Variants in TSHZ1 observed in about 807,000 individuals in gnomAD.
TSHZ1 encodes the protein teashirt homolog 1.
Under a neutral mutation model 67.1 loss-of-function variants are expected in TSHZ1, and 12 were observed. The ratio of observed to expected loss-of-function variants is 0.18; its 90% CI spans 0.11 to 0.29. The LOEUF is 0.29. Among genes scored for constraint, TSHZ1 ranks in the 10% least tolerant of loss-of-function variants. The pLI is 1.00. For synonymous variants in TSHZ1, 632 were observed against 622.4 expected, an observed-to-expected ratio of 1.02 and a Z score of -0.23; for missense variants, 1,305 against 1,413.9, an observed-to-expected ratio of 0.92 and a Z score of 1.23.
At chr18:75,248,875 G>A (rs979728694) in intron 1 of TSHZ1, among the ~76,000 whole-genome samples, 3 of 152,196 alleles carry the variant, frequency 2.0e-5, no homozygotes, top group African/African-American at 4.8e-5. Flanking sequence ...AGAAATAGCC[G>A]CAGAGGCAAG....
intron 1 of TSHZ1, among the ~76,000 whole-genome samples, chr18:75,231,088 G>A (rs1169252965): frequency 6.6e-6 from 1 of 152,228 alleles, no homozygotes; most frequent in Non-Finnish European, 1.5e-5. Flanking sequence ...CATGTGAGGA[G>A]ATGCAGTTTC....
intron 1 of TSHZ1, among the ~76,000 whole-genome samples, chr18:75,256,781 G>A (rs1181645139): frequency 6.6e-6 from 1 of 152,182 alleles, no homozygotes; most frequent in Admixed American, 6.5e-5. Flanking sequence ...AATTCCTGAA[G>A]CAACATGTGT....
chr18:75,231,914 T>C (rs28373646), intron 1 of TSHZ1, among the ~76,000 whole-genome samples: 6,375 of 151,778 alleles, frequency 0.042, 448 homozygotes, highest in African/African-American at 0.14. Flanking sequence ...TGATGCCTTA[T>C]TTATTTATTT....
chr18:75,225,514 T>C (rs1193969149), intron 1 of TSHZ1, among the ~76,000 whole-genome samples: 1 of 152,174 alleles, frequency 6.6e-6, no homozygotes, highest in Non-Finnish European at 1.5e-5. Flanking sequence ...GCATGCCCTT[T>C]GGAACATCAG....
In TSHZ1 at chr18:75,243,843, A is replaced by G. The variant is rs552810189; in HGVS notation, c.40+31927A>G. On this transcript the variant is annotated intron_variant, in intron 1 of 1. Transcript: ENST00000580243. Reference sequence around the variant, plus strand: ...ACTTGGATAGTTTTGCCTTTCCTCAACATTATTAATAGGGTCTTGGTACAG... The same window carrying G: ...ACTTGGATAGTTTTGCCTTTCCTCAGCATTATTAATAGGGTCTTGGTACAG... Among the ~76,000 whole-genome samples, 49 of 152,264 alleles carry G rather than the reference A, an allele frequency of 3.2e-4. No individual in the cohort carries two copies. The South Asian group carries it at 9.8e-3, about 30-fold the overall frequency.
chr18:75,239,887 C>G (rs1020331963), intron 1 of TSHZ1, among the ~76,000 whole-genome samples: 1 of 152,152 alleles, frequency 6.6e-6, no homozygotes. Flanking sequence ...CGAGGAGGTA[C>G]GCGATGGGTG....
chr18:75,217,382 G>GTT (rs139184741), intron 1 of TSHZ1, among the ~76,000 whole-genome samples: 3,924 of 149,530 alleles, frequency 0.026, 181 homozygotes, highest in African/African-American at 0.088. Context: ...TCCTCCAAGG[G>GTT]TTTTTTTTTT....
intron 1 of TSHZ1, among the ~76,000 whole-genome samples, chr18:75,266,099 G>A (rs1436172072): frequency 2.0e-5 from 3 of 152,180 alleles, no homozygotes; most frequent in Non-Finnish European, 4.4e-5. Flanking sequence ...CCGGGTGAGT[G>A]ATCGATGCTG....
At chr18:75,269,519 C>G (rs376189792) in intron 1 of TSHZ1, among the ~76,000 whole-genome samples, 6 of 152,094 alleles carry the variant, frequency 3.9e-5, no homozygotes, top group African/African-American at 7.2e-5. Context: ...AATGCTGGAG[C>G]CTGTTTGTCG....
intron 1 of TSHZ1, among the ~76,000 whole-genome samples, chr18:75,225,732 A>C (rs1279409703): frequency 6.6e-6 from 1 of 151,876 alleles, no homozygotes; most frequent in Non-Finnish European, 1.5e-5. Context: ...TTAATGCAAG[A>C]CTATATCTCG....
rs573162542 is a variant in TSHZ1, at chr18:75,218,748, A to G, written c.40+6832A>G. ...AAAGCCTATAAAAAGTAAATGGTAAATTACTCCGGGACAAGGCTCAAGTTC... is the reference window on the plus strand; with the variant it reads ...AAAGCCTATAAAAAGTAAATGGTAAGTTACTCCGGGACAAGGCTCAAGTTC... On this transcript the variant is annotated intron_variant, in intron 1 of 1. Coordinates refer to ENST00000580243, the MANE Select transcript of TSHZ1 (RefSeq NM_001308210.2). Among the ~76,000 whole-genome samples, 49 of 152,240 alleles carry G rather than the reference A, an allele frequency of 3.2e-4. 3 individuals are homozygous for G. The South Asian group carries it at 9.7e-3, about 30-fold the overall frequency.
Position 75,286,040 on chromosome 18 carries a change from G to C in TSHZ1, c.633G>C (p.Thr211=), listed in dbSNP as rs138154252. 23 of 1,612,900 alleles carry C rather than the reference G, an allele frequency of 1.4e-5. No homozygotes were observed. The African/African-American group carries it at 1.6e-4, about 11-fold the overall frequency. ...CACTGGCCAAGACGCTGCAGCAGAC[G>C]TCCTCGTATGGGCTGCTTCCTGAGC... is the stretch of plus-strand genomic sequence containing the variant. ...QAALAKTLQQ[T]SSYGLLPEPS... Residue 211 remains threonine (T), a synonymous_variant, in exon 2 of 2, where the codon ACG becomes ACC. Coordinates refer to ENST00000580243, the MANE Select transcript of TSHZ1 (RefSeq NM_001308210.2). The surrounding 1 kb of genome is among the most constrained non-coding windows in gnomAD (Gnocchi z 5.1).
chr18:75,266,366 CAAG>C (rs913027697), intron 1 of TSHZ1, among the ~76,000 whole-genome samples: 2 of 152,130 alleles, frequency 1.3e-5, no homozygotes, highest in Non-Finnish European at 2.9e-5. Flanking sequence ...CAAGTAAAAA[CAAG>C]AATTCACAGA....
chr18:75,271,585 G>A (rs2023557695), intron 1 of TSHZ1, among the ~76,000 whole-genome samples: 1 of 152,134 alleles, frequency 6.6e-6, no homozygotes, highest in Non-Finnish European at 1.5e-5. Flanking sequence ...TAGGTGAGTT[G>A]TGCCCGTGCC....
At chr18:75,228,330 G>T (rs941913937) in intron 1 of TSHZ1, among the ~76,000 whole-genome samples, 2 of 152,208 alleles carry the variant, frequency 1.3e-5, no homozygotes, top group African/African-American at 2.4e-5. Flanking sequence ...TCTGGCCATA[G>T]ACATGTACAT....
At chr18:75,248,779 T>C (rs2023255764) in intron 1 of TSHZ1, among the ~76,000 whole-genome samples, 1 of 152,258 alleles carries the variant, frequency 6.6e-6, no homozygotes, top group African/African-American at 2.4e-5. Flanking sequence ...TGTGTTTGCC[T>C]GTGCGTCCAG....
chr18:75,263,956 T>C (rs2023460108), intron 1 of TSHZ1, among the ~76,000 whole-genome samples: 1 of 152,234 alleles, frequency 6.6e-6, no homozygotes, highest in African/African-American at 2.4e-5. Context: ...TCAAGGCTAC[T>C]GTAGTTATAC....
chr18:75,259,063 C>A (rs1268057332), intron 1 of TSHZ1, among the ~76,000 whole-genome samples: 5 of 152,216 alleles, frequency 3.3e-5, no homozygotes, highest in African/African-American at 9.6e-5. Context: ...CCGCCTGTTT[C>A]TGTTTTCCTC....
intron 1 of TSHZ1, among the ~76,000 whole-genome samples, chr18:75,270,365 G>A (rs2023542804): frequency 6.6e-6 from 1 of 152,168 alleles, no homozygotes; most frequent in African/African-American, 2.4e-5. Flanking sequence ...CCAGAGGAAG[G>A]GTTCAACAGA....
Sources: allele counts gnomAD v4.1 joint callset (sites outside exome capture counted in the v4.1 genomes callset), GRCh38; gene constraint gnomAD v4.1.1; non-coding constraint Gnocchi (gnomAD v3.1); transcripts MANE v1.5; gene names NCBI Gene and HGNC (gene_info 2026-07-23, HGNC 2026-07-21).